IFT122: variants seen among roughly 807,000 people sequenced by gnomAD.
IFT122 encodes the protein intraflagellar transport protein 122 homolog.
A neutral mutation model predicts 161.6 loss-of-function variants in IFT122; 118 were observed. The observed-to-expected ratio is 0.73, with a 90% CI of 0.63 to 0.85. The LOEUF (loss-of-function observed/expected upper bound fraction) is 0.85. Ranked by LOEUF, IFT122 falls within the 40% of genes least tolerant of loss-of-function variation. IFT122 has a pLI of 0.00. For synonymous variants in IFT122, 550 were observed against 602.4 expected (o/e 0.91, Z 1.27); for missense variants, 1,381 against 1,579.6 (o/e 0.87, Z 2.13).
chr3:129,503,363 C>T (rs965963756), intron 20 of IFT122, among the ~76,000 whole-genome samples: 3 of 152,164 alleles, frequency 2.0e-5, no homozygotes, highest in Non-Finnish European at 4.4e-5. Flanking sequence ...TTCTCTGCCC[C>T]CACCCCACAA....
intron 1 of IFT122, among the ~76,000 whole-genome samples, chr3:129,447,213 A>G (rs1186263813): frequency 6.6e-6 from 1 of 152,178 alleles, no homozygotes; most frequent in Non-Finnish European, 1.5e-5. Context: ...AGCCCTCAGG[A>G]GGTCCACAGA....
chr3:129,459,705 CTT>C, intron 4 of IFT122, among the ~76,000 whole-genome samples: 9 of 98,822 alleles, frequency 9.1e-5, no homozygotes, highest in Admixed American at 1.1e-4. Flanking sequence ...TCCTTCCTTC[CTT>C]CCTTCCTTCC....
chr3:129,484,346 C>T (rs531281244), intron 15 of IFT122, among the ~76,000 whole-genome samples: 1 of 152,236 alleles, frequency 6.6e-6, no homozygotes, highest in Non-Finnish European at 1.5e-5. Flanking sequence ...ACGTGCATAG[C>T]GAGAAACTGT....
chr3:129,477,935 T>C lies in IFT122; in HGVS notation c.1148-81T>C, dbSNP rs2078154498. ...CACTTTAATTGCCAGTAGCGCTAAG[T>C]AAATGATGGCTTTTAATTTCTCTGC... On this transcript the variant is annotated intron_variant, in intron 11 of 29. Coordinates refer to ENST00000348417, the MANE Select transcript of IFT122 (RefSeq NM_052989.3). 6.6e-6 allele frequency: 8 copies of C among 1,212,518 alleles called. No homozygotes were observed. In the South Asian group the frequency reaches 9.8e-5, roughly 15 times the overall value. 75.1% of individuals were successfully genotyped at this position (1,212,518 alleles called of 1,614,324 possible).
In IFT122 at chr3:129,514,709, T is replaced by C. The variant is rs73204238; in HGVS notation, c.3153+155T>C. On this transcript the variant is annotated intron_variant, in intron 25 of 29. Coordinates refer to ENST00000348417, the MANE Select transcript of IFT122 (RefSeq NM_052989.3). ...TCAAGCCTGGCCATGCCAGCTCCCCTGTGCTTCCCTGTCCACCTCCTGTTC... is the reference window on the plus strand; with the variant it reads ...TCAAGCCTGGCCATGCCAGCTCCCCCGTGCTTCCCTGTCCACCTCCTGTTC... The C allele has an allele frequency of 2.1e-3, 1,757 of 837,336 alleles. 6 individuals carry two copies. Among genetic ancestry groups the C allele is most frequent in the Middle Eastern group, 8.8e-3 (28 of 3,186 alleles). 51.9% of individuals were successfully genotyped at this position (837,336 alleles called of 1,614,324 possible). A position where few individuals can be genotyped will look rare whatever the true frequency, so the allele number is the denominator to read the frequency against.
chr3:129,469,296 A>C (rs1370457039), intron 8 of IFT122, 46 bp from the exon 9 acceptor site: 2 of 1,497,592 alleles, frequency 1.3e-6, no homozygotes, highest in Admixed American at 1.7e-5. Flanking sequence ...TATACTCATC[A>C]GCAGGCTGTG....
chr3:129,462,445 A>G (rs1330039800), intron 5 of IFT122, among the ~76,000 whole-genome samples: 2 of 152,190 alleles, frequency 1.3e-5, no homozygotes, highest in Non-Finnish European at 2.9e-5. Context: ...CTACTGATGA[A>G]AAAGAGGTAG....
At position 129,499,791 on chromosome 3, in the gene IFT122, G is replaced by C. The variant is rs573802090; in HGVS notation, c.2209-111G>C. ...CAGGGCCGGGCCCTGCCTACCTCCT[G>C]GTTGCCTGCTTCAGCCATGTGGAGC... On this transcript the variant is annotated intron_variant, in intron 18 of 29. Transcript: ENST00000348417. 163 of 1,311,808 alleles carry C rather than the reference G, an allele frequency of 1.2e-4. No individual in the cohort carries two copies. In the East Asian group the frequency reaches 3.6e-3, roughly 29 times the overall value. The allele number at this position is 1,311,808 out of a possible 1,614,324, so 81.3% of individuals were successfully genotyped here.
chr3:129,454,224 A>T (rs1427645183), intron 3 of IFT122, among the ~76,000 whole-genome samples: 1 of 152,138 alleles, frequency 6.6e-6, no homozygotes, highest in Non-Finnish European at 1.5e-5. Flanking sequence ...GCATAAAGAC[A>T]TAAACAATTG....
chr3:129,456,840 C>T (rs1015123004), intron 3 of IFT122, among the ~76,000 whole-genome samples: 10 of 152,052 alleles, frequency 6.6e-5, no homozygotes, highest in South Asian at 2.1e-4. Flanking sequence ...CGCTTGAACC[C>T]GGGAGTCGGA....
At chr3:129,478,934 A>G (rs897528181) in intron 12 of IFT122, among the ~76,000 whole-genome samples, 2 of 152,166 alleles carry the variant, frequency 1.3e-5, no homozygotes, top group African/African-American at 4.8e-5. Flanking sequence ...TTTCATAGAA[A>G]AATATTTCTC....
chr3:129,496,550 CT>C lies in IFT122; in HGVS notation c.2208+949del, dbSNP rs539246060. On this transcript the variant is annotated intron_variant, in intron 18 of 29. Transcript: ENST00000348417. ...AGTTCAAGATGGAAAATCTTCCCCA[CT>C]TTTTTCTGCTTTTCTATTCCTGAAG... Among the ~76,000 whole-genome samples, 263 of 152,324 alleles carry C rather than the reference CT, an allele frequency of 1.7e-3. 1 individual carries two copies. Among genetic ancestry groups the C allele is most frequent in the African/African-American group, 5.8e-3 (241 of 41,570 alleles).
chr3:129,453,332 G>A (rs66725762), intron 3 of IFT122, among the ~76,000 whole-genome samples: 20,153 of 151,978 alleles, frequency 0.13, 1,708 homozygotes, highest in South Asian at 0.24. Context: ...ACTGAGAGTG[G>A]CAATGGGGAA....
At chr3:129,504,484 T>C in intron 21 of IFT122, 63 bp downstream of exon 21, 1 of 1,335,982 alleles carries the variant, frequency 7.5e-7, no homozygotes, top group Non-Finnish European at 1.1e-6. Flanking sequence ...AGACATACAT[T>C]TCAGGAAGGC....
chr3:129,463,523 A>G (rs1236978749), intron 5 of IFT122, 37 bp from the exon 6 acceptor site: 14 of 1,571,630 alleles, frequency 8.9e-6, no homozygotes, highest in East Asian at 2.2e-5. Context: ...TAGTATTCCA[A>G]CCAATCCATC....
rs1166749895 is a variant in IFT122 at position 129,463,611 on chromosome 3, A to C, written c.401A>C (p.Lys134Thr). The part of the protein sequence containing the change: ...KSVSKHKSSS[K>T]IICCSWTNDG... ...GTCTCCAAACACAAATCAAGCAGCA[A>C]GATCATCTGCTGCAGGTAAGTGCAG... is the stretch of plus-strand genomic sequence containing the variant. The change falls in exon 6 of 30, where the codon AAG becomes ACG. Residue 134 changes from lysine to threonine, a missense_variant. This residue lies in a region of IFT122 where 544 missense variants were observed against 648.0 expected (regional missense o/e 0.84). Coordinates refer to ENST00000348417, the MANE Select transcript of IFT122 (RefSeq NM_052989.3). 1 of 1,613,238 alleles carries C rather than the reference A, an allele frequency of 6.2e-7. No individual in the cohort carries two copies. Among genetic ancestry groups the C allele is most frequent in the Non-Finnish European group, 8.5e-7 (1 of 1,179,372 alleles).
At chr3:129,510,891 C>T (rs984533611) in intron 23 of IFT122, among the ~76,000 whole-genome samples, 1 of 152,244 alleles carries the variant, frequency 6.6e-6, no homozygotes, top group African/African-American at 2.4e-5. Context: ...CCCAGTCTAG[C>T]AAACAGGACA....
intron 18 of IFT122, among the ~76,000 whole-genome samples, chr3:129,497,918 TG>T (rs1323938319): frequency 3.2e-4 from 49 of 152,262 alleles, no homozygotes; most frequent in African/African-American, 1.2e-3. Context: ...ATAAATTGTA[TG>T]CTTTCTGGAT....
In IFT122 at chr3:129,479,923, G is replaced by A; in HGVS notation, c.1488+1G>A. 6.2e-7 allele frequency: 1 copy of A among 1,613,862 alleles called. No individual in the cohort carries two copies. On this transcript the variant is annotated splice_donor_variant, in intron 13 of 29. Coordinates refer to ENST00000348417, the MANE Select transcript of IFT122 (RefSeq NM_052989.3). LOFTEE classifies it high-confidence loss of function. Reference sequence around the variant, plus strand: ...CTTAGTGGGGCTGAAGAATGGACAGGTGAGTGCTCCCTCACGTCTCCTGTC... The same window carrying A: ...CTTAGTGGGGCTGAAGAATGGACAGATGAGTGCTCCCTCACGTCTCCTGTC...
Sources: gnomAD v4.1 joint callset for allele counts (sites outside exome capture counted in the v4.1 genomes callset) on GRCh38, gnomAD v4.1.1 for gene constraint, gnomAD v4.1.1 regional missense constraint, MANE v1.5 for transcripts, NCBI Gene and HGNC (gene_info 2026-07-23, HGNC 2026-07-21) for gene names.